Variants in DNM3 observed in about 807,000 individuals in gnomAD.
The protein encoded by DNM3 is dynamin 3.
Under a neutral mutation model 101.6 loss-of-function variants are expected in DNM3, and 47 were observed. The ratio of observed to expected loss-of-function variants is 0.46; its 90% CI spans 0.37 to 0.59. DNM3 has a LOEUF of 0.59. Ranked by LOEUF, DNM3 falls within the 20% of genes least tolerant of loss-of-function variation. DNM3 has a pLI of 0.00. For synonymous variants in DNM3, 385 were observed against 387.9 expected (o/e 0.99, Z 0.09); for missense variants, 849 against 1,085.7 (o/e 0.78, Z 3.06).
chr1:172,171,086 G>C (rs1239721077), intron 14 of DNM3, among the ~76,000 whole-genome samples: 1 of 151,604 alleles, frequency 6.6e-6, no homozygotes, highest in Admixed American at 6.6e-5. Context: ...CTGAGAAATA[G>C]AGATTGATTA....
At chr1:171,946,107 A>G (rs192375786) in intron 2 of DNM3, among the ~76,000 whole-genome samples, 7 of 152,260 alleles carry the variant, frequency 4.6e-5, no homozygotes, top group Admixed American at 4.6e-4. Flanking sequence ...AAGGACCATC[A>G]TATTCTGATT....
intron 4 of DNM3, among the ~76,000 whole-genome samples, chr1:172,018,103 A>AT (rs2047571762): frequency 1.3e-5 from 2 of 151,896 alleles, no homozygotes; most frequent in South Asian, 2.1e-4. Flanking sequence ...TTTAAAGTGA[A>AT]TTTTTTGTAG....
chr1:172,252,303 A>C (rs1437836795), intron 14 of DNM3, among the ~76,000 whole-genome samples: 1 of 152,040 alleles, frequency 6.6e-6, no homozygotes, highest in Non-Finnish European at 1.5e-5. Context: ...TTTTCTGATT[A>C]ATTTAGGAGT....
chr1:171,983,807 C>A (rs2045020128), intron 2 of DNM3, among the ~76,000 whole-genome samples: 1 of 152,204 alleles, frequency 6.6e-6, no homozygotes, highest in Non-Finnish European at 1.5e-5. Context: ...AGTAGAGACA[C>A]CTATCCAAAG....
intron 1 of DNM3, among the ~76,000 whole-genome samples, chr1:171,843,938 G>T (rs76100800): frequency 3.9e-5 from 6 of 152,154 alleles, no homozygotes; most frequent in Non-Finnish European, 5.9e-5. Context: ...CTGTTAGAAC[G>T]CCAAATCAAA....
At chr1:172,093,112 G>A (rs779571478) in intron 13 of DNM3, among the ~76,000 whole-genome samples, 1 of 152,068 alleles carries the variant, frequency 6.6e-6, no homozygotes, top group Non-Finnish European at 1.5e-5. Flanking sequence ...TACTTGCTCT[G>A]CATTTCAAAT....
chr1:172,135,892 A>G (rs536125749), intron 14 of DNM3, among the ~76,000 whole-genome samples: 135 of 152,228 alleles, frequency 8.9e-4, no homozygotes, highest in African/African-American at 2.6e-3. Flanking sequence ...ATACATAAAT[A>G]TGTAAATTTT....
intron 15 of DNM3, among the ~76,000 whole-genome samples, chr1:172,265,708 G>C (rs2062832759): frequency 6.6e-6 from 1 of 152,136 alleles, no homozygotes; most frequent in Non-Finnish European, 1.5e-5. Context: ...AGTATGTCTA[G>C]ATAATGGCCT....
chr1:172,298,819 G>A (rs184583897), intron 15 of DNM3, among the ~76,000 whole-genome samples: 7 of 146,250 alleles, frequency 4.8e-5, no homozygotes, highest in African/African-American at 1.5e-4. Context: ...AAAAGCAAGA[G>A]AGAAAGAAAA....
At chr1:172,387,541 C>T (rs574886680) in intron 19 of DNM3, among the ~76,000 whole-genome samples, 182 bp downstream of exon 19, 4 of 152,112 alleles carry the variant, frequency 2.6e-5, no homozygotes, top group East Asian at 3.9e-4. Flanking sequence ...TGCCTGTAGT[C>T]CCAGCTACTC....
intron 11 of DNM3, among the ~76,000 whole-genome samples, chr1:172,075,551 A>C (rs867990608): frequency 6.6e-6 from 1 of 152,118 alleles, no homozygotes; most frequent in South Asian, 2.1e-4. Context: ...TTTTCCCAAC[A>C]CCATTTATTA....
Position 171,841,528 on chromosome 1 carries a change from C to A in DNM3, c.-129C>A. On this transcript the variant is annotated 5_prime_UTR_variant, in exon 1 of 21. Coordinates refer to ENST00000627582, the MANE Select transcript of DNM3 (RefSeq NM_015569.5). ...CAAGCGGCGGGCTGGCGGCGGGCTC[C>A]GACGTCTGCGCCAGGACCTGGCTGG... 7.6e-7 allele frequency: 1 copy of A among 1,313,606 alleles called. No homozygotes were observed. The highest frequency in any genetic ancestry group is 1.6e-5 in the African/African-American group (1 of 63,962). 81.4% of individuals were successfully genotyped at this position (1,313,606 alleles called of 1,614,324 possible).
chr1:172,380,009 T>C (rs2068811178), intron 18 of DNM3, among the ~76,000 whole-genome samples: 1 of 152,026 alleles, frequency 6.6e-6, no homozygotes, highest in African/African-American at 2.4e-5. Context: ...GGACATCTTT[T>C]TATTTAATCC....
At chr1:171,898,038 G>A (rs2037968261) in intron 1 of DNM3, among the ~76,000 whole-genome samples, 2 of 152,000 alleles carry the variant, frequency 1.3e-5, no homozygotes, top group Admixed American at 1.3e-4. Flanking sequence ...TTCAGGATAT[G>A]TATAGGTCAG....
intron 14 of DNM3, chr1:172,137,637 T>A (rs1014935546): frequency 6.6e-6 from 1 of 152,150 alleles, no homozygotes; most frequent in African/African-American, 2.4e-5. Context: ...ACATAAAGTG[T>A]TTAATTGTTA....
chr1:172,225,134 C>CTTTTTTTTTTTTTT (rs1168334078), intron 14 of DNM3, among the ~76,000 whole-genome samples: 11 of 65,526 alleles, frequency 1.7e-4, no homozygotes, highest in African/African-American at 2.6e-4. Context: ...TCTTCTTCCT[C>CTTTTTTTTTTTTTT]TTTTTTTTTT....
At position 172,268,300 on chromosome 1, in the gene DNM3, T is replaced by C. The variant is rs185404283; in HGVS notation, c.1769+14618T>C. Among the ~76,000 whole-genome samples the C allele has an allele frequency of 4.5e-4, 69 of 152,232 alleles. 1 individual carries two copies. Among genetic ancestry groups the C allele is most frequent in the Admixed American group, 2.7e-3 (42 of 15,294 alleles). ...AAAAAAAAAAAAAAAAAATTGTATATTTTGAAAGTTGATTCCAAGTCCAAA... is the reference window on the plus strand; with the variant it reads ...AAAAAAAAAAAAAAAAAATTGTATACTTTGAAAGTTGATTCCAAGTCCAAA... On this transcript the variant is annotated intron_variant, in intron 15 of 20. Coordinates refer to ENST00000627582, the MANE Select transcript of DNM3 (RefSeq NM_015569.5).
intron 16 of DNM3, among the ~76,000 whole-genome samples, chr1:172,322,783 C>T (rs933340262): frequency 6.6e-6 from 1 of 151,984 alleles, no homozygotes; most frequent in Admixed American, 6.6e-5. Context: ...CCCTGTCTCC[C>T]TAGAACCACC....
intron 1 of DNM3, among the ~76,000 whole-genome samples, chr1:171,907,057 T>C (rs950638881): frequency 4.6e-5 from 7 of 152,204 alleles, no homozygotes; most frequent in African/African-American, 1.7e-4. Flanking sequence ...ATGGACCACC[T>C]CTAACTGTCT....
Sources: allele counts gnomAD v4.1 joint callset (sites outside exome capture counted in the v4.1 genomes callset), GRCh38; gene constraint gnomAD v4.1.1; transcripts MANE v1.5; gene names NCBI Gene and HGNC (gene_info 2026-07-23, HGNC 2026-07-21).